Variants in ACOT11 observed in about 807,000 individuals in gnomAD.
ACOT11 encodes the protein acyl-coenzyme A thioesterase 11.
Under a neutral mutation model 77.5 loss-of-function variants are expected in ACOT11, and 69 were observed. That is an observed-to-expected ratio of 0.89 (90% CI 0.73 to 1.09). The LOEUF (loss-of-function observed/expected upper bound fraction) is 1.09. Ranked by LOEUF, ACOT11 falls within the 50% of genes least tolerant of loss-of-function variation. The probability of loss-of-function intolerance (pLI) is 0.00; values close to 1 mark genes in which losing one functional copy is unlikely to be tolerated. For synonymous variants in ACOT11, 279 were observed against 313.0 expected (o/e 0.89, Z 1.15); for missense variants, 766 against 813.7 (o/e 0.94, Z 0.71).
Position 54,609,944 on chromosome 1 carries a change from G to C in ACOT11, c.*832G>C, listed in dbSNP as rs770059133. 6 of 1,600,294 alleles carry C rather than the reference G, an allele frequency of 3.7e-6. No individual in the cohort carries two copies. The highest frequency in any genetic ancestry group is 5.1e-6 in the Non-Finnish European group (6 of 1,176,946). The stretch of plus-strand genomic sequence containing the variant: ...CAGCAGGATCATGCCTTCTGTGTCT[G>C]GAAGAGGCGGCAGAGGCAACAGTGT... On this transcript the variant is annotated 3_prime_UTR_variant, in exon 16 of 16. Transcript: ENST00000343744.
chr1:54,616,764 T>TA (rs765970907), intron 15 of ACOT11, among the ~76,000 whole-genome samples: 7 of 152,212 alleles, frequency 4.6e-5, no homozygotes, highest in Non-Finnish European at 7.3e-5. Flanking sequence ...GATCTTTTTT[T>TA]ATGCATCTCT....
In ACOT11 at chr1:54,554,333, G is replaced by GTATATA. The variant is rs1553161035; in HGVS notation, c.33+6005_33+6010dup. Among the ~76,000 whole-genome samples the GTATATA allele has an allele frequency of 3.5e-4, 34 of 96,390 alleles. 1 individual carries two copies. Among genetic ancestry groups the GTATATA allele is most frequent in the African/African-American group, 1.4e-3 (34 of 24,246 alleles). 63.2% of individuals were successfully genotyped at this position (96,390 alleles called of 152,430 possible). On this transcript the variant is annotated intron_variant, in intron 1 of 15. Transcript: ENST00000343744. ...TGTGTGTGTGTGTGTGTGTGTGTGTGTATATATATATATATATATTTTTTT... is the reference window on the plus strand; with the variant it reads ...TGTGTGTGTGTGTGTGTGTGTGTGTGTATATATATATATATATATATATATTTTTTT...
rs1335128394 is a variant in ACOT11, at chr1:54,607,034, A to G, written c.1371-100A>G. On this transcript the variant is annotated intron_variant, in intron 13 of 15. Coordinates refer to ENST00000343744, the MANE Select transcript of ACOT11 (RefSeq NM_147161.4). The surrounding 1 kb of genome is among the most constrained non-coding windows in gnomAD (Gnocchi z 4.5). Reference sequence around the variant, plus strand: ...ACAGGGGGTGACATCCCATCACAGAAGCTGCTCAGGCACTGCAGTGTGGCA... The same window carrying G: ...ACAGGGGGTGACATCCCATCACAGAGGCTGCTCAGGCACTGCAGTGTGGCA... 2.0e-6 allele frequency: 3 copies of G among 1,516,486 alleles called. No individual in the cohort carries two copies. In the South Asian group the frequency reaches 3.7e-5, roughly 19 times the overall value. The allele number at this position is 1,516,486 out of a possible 1,614,324, so 93.9% of individuals were successfully genotyped here. A position where few individuals can be genotyped will look rare whatever the true frequency, so the allele number is the denominator to read the frequency against.
At position 54,609,305 on chromosome 1, in the gene ACOT11, T is replaced by A. The variant is rs199740522; in HGVS notation, c.*193T>A. ...AACATGAGCCAGCAAGTCCTTGTGG[T>A]AGCCCTGGGGTAGCCTGTAGTAGAC... On this transcript the variant is annotated 3_prime_UTR_variant, in exon 16 of 16. Coordinates refer to ENST00000343744, the MANE Select transcript of ACOT11 (RefSeq NM_147161.4). The A allele has an allele frequency of 3.5e-5, 56 of 1,610,494 alleles. No individual in the cohort carries two copies. Among genetic ancestry groups the A allele is most frequent in the Non-Finnish European group, 4.8e-5 (56 of 1,177,290 alleles).
intron 15 of ACOT11, among the ~76,000 whole-genome samples, chr1:54,625,730 G>A (rs541504480): frequency 2.2e-4 from 34 of 152,018 alleles, no homozygotes; most frequent in African/African-American, 7.0e-4. Flanking sequence ...CTGAGGTTGG[G>A]AGTTCGAGAC....
chr1:54,554,341 A>ATG (rs1653181103), intron 1 of ACOT11, among the ~76,000 whole-genome samples: 1 of 97,276 alleles, frequency 1.0e-5, no homozygotes, highest in African/African-American at 3.8e-5. Context: ...GTGTATATAT[A>ATG]TATATATATA....
At chr1:54,619,425 T>A (rs1557673709) in intron 15 of ACOT11, among the ~76,000 whole-genome samples, 1 of 152,160 alleles carries the variant, frequency 6.6e-6, no homozygotes, top group South Asian at 2.1e-4. Flanking sequence ...TCTATTTTTC[T>A]CCTGTGAAAT....
chr1:54,596,083 C>A (rs2100992720), intron 6 of ACOT11, among the ~76,000 whole-genome samples: 1 of 152,364 alleles, frequency 6.6e-6, no homozygotes, highest in East Asian at 1.9e-4. Flanking sequence ...AGCGCTCCCA[C>A]CTAAGAATCA....
At chr1:54,577,559 A>G (rs1654160377) in intron 1 of ACOT11, among the ~76,000 whole-genome samples, 1 of 152,210 alleles carries the variant, frequency 6.6e-6, no homozygotes, top group Non-Finnish European at 1.5e-5. Flanking sequence ...ATTACAATTT[A>G]TTCATTTATT....
At chr1:54,611,598 C>G, downstream of ACOT11, 1 of 1,613,606 alleles carries the variant, frequency 6.2e-7, no homozygotes, top group Non-Finnish European at 8.5e-7. Context: ...CCCAATTCCT[C>G]TCCTTACAGG....
Position 54,597,339 on chromosome 1 carries a change from C to G in ACOT11, c.688C>G (p.His230Asp). ...VESVELVLPP[H>D]ANHQGNTFGG... ...GAGTGTGGAGCTGGTCCTGCCTCCC[C>G]ACGCCAATCACCAGGGCAACACCTT... is the stretch of plus-strand genomic sequence containing the variant. Residue 230 changes from histidine (H) to aspartate (D), a missense_variant, in exon 7 of 16, where the codon CAC becomes GAC. Physicochemically the swap from His to Asp is moderately conservative, Grantham distance 81. Transcript: ENST00000343744. The G allele has an allele frequency of 6.2e-7, 1 of 1,613,948 alleles. No individual in the cohort carries two copies.
Position 54,607,292 on chromosome 1 carries a change from G to A in ACOT11, c.1502+27G>A, listed in dbSNP as rs1224717622. ...TGTGTGCCTATCTGCTGTGGGGTGG[G>A]GGACACAACTGGACAGGGTGGTAGG... On this transcript the variant is annotated intron_variant, in intron 14 of 15. Coordinates refer to ENST00000343744, the MANE Select transcript of ACOT11 (RefSeq NM_147161.4). The surrounding 1 kb of genome is among the most constrained non-coding windows in gnomAD (Gnocchi z 4.5). The A allele has an allele frequency of 6.2e-7, 1 of 1,613,454 alleles. No homozygotes were observed. Among genetic ancestry groups the A allele is most frequent in the Non-Finnish European group, 8.5e-7 (1 of 1,179,604 alleles).
In ACOT11 at chr1:54,587,549, CCTT is replaced by C. The variant is rs1289844345; in HGVS notation, c.311+1646_311+1648del. ...AAAGAAAAAGGCTCTGGTTTGTAAT[CCTT>C]TTTTTTTTTTTTTTTTTTTTTTTTG... On this transcript the variant is annotated intron_variant, in intron 3 of 15. Coordinates refer to ENST00000343744, the MANE Select transcript of ACOT11 (RefSeq NM_147161.4). 1.4e-4 allele frequency among the ~76,000 whole-genome samples: 13 copies of C among 96,186 alleles called. No individual in the cohort carries two copies. In the East Asian group the frequency reaches 3.1e-3, roughly 23 times the overall value. The allele number at this position is 96,186 out of a possible 152,430, so 63.1% of individuals were successfully genotyped here. A position where few individuals can be genotyped will look rare whatever the true frequency, so the allele number is the denominator to read the frequency against.
intron 15 of ACOT11, among the ~76,000 whole-genome samples, chr1:54,622,630 T>C (rs1169177916): frequency 6.6e-6 from 1 of 151,714 alleles, no homozygotes; most frequent in Admixed American, 6.6e-5. Context: ...TCCCAGCTAC[T>C]TGTGGGGCTG....
intron 15 of ACOT11, chr1:54,615,978 A>T: frequency 6.2e-7 from 1 of 1,602,768 alleles, no homozygotes; most frequent in South Asian, 1.1e-5. Context: ...CCCCAGGGCC[A>T]GAGGGCTGGG....
intron 6 of ACOT11, among the ~76,000 whole-genome samples, chr1:54,595,979 C>T (rs544966050): frequency 1.1e-4 from 16 of 152,306 alleles, no homozygotes; most frequent in South Asian, 6.2e-4. Context: ...GCTTGGAGGC[C>T]GGAGCTGGGG....
chr1:54,622,123 A>G (rs1644235710), intron 15 of ACOT11, among the ~76,000 whole-genome samples: 2 of 151,036 alleles, frequency 1.3e-5, no homozygotes, highest in Non-Finnish European at 2.9e-5. Context: ...AAAATACAAA[A>G]AATTTAGTCT....
chr1:54,581,426 T>C (rs1420573409), intron 1 of ACOT11, among the ~76,000 whole-genome samples: 1 of 152,140 alleles, frequency 6.6e-6, no homozygotes, highest in African/African-American at 2.4e-5. Flanking sequence ...TGGGTGGCCC[T>C]GGGCCAGCTT....
At chr1:54,583,539 C>T (rs905833693) in intron 1 of ACOT11, among the ~76,000 whole-genome samples, 1 of 152,172 alleles carries the variant, frequency 6.6e-6, no homozygotes, top group African/African-American at 2.4e-5. Flanking sequence ...ATCTCAGCCC[C>T]AGGAGGCCCT....
Sources: gnomAD v4.1 joint callset for allele counts (sites outside exome capture counted in the v4.1 genomes callset) on GRCh38, gnomAD v4.1.1 for gene constraint, Gnocchi (gnomAD v3.1) non-coding constraint, MANE v1.5 for transcripts, NCBI Gene and HGNC (gene_info 2026-07-23, HGNC 2026-07-21) for gene names.